The following MYL3 variants were observed in gnomAD, a reference collection of about 807,000 sequenced individuals.
MYL3 encodes myosin light chain 3.
MYL3 carries 11 observed loss-of-function variants against 21.3 expected under a neutral mutation model. The observed-to-expected ratio is 0.52, with a 90% CI of 0.32 to 0.85. MYL3 has a LOEUF of 0.85. MYL3 is among the 40% of genes least tolerant of loss of function. MYL3 has a pLI of 0.03. For synonymous variants in MYL3, 88 were observed against 91.6 expected (o/e 0.96, Z 0.22); for missense variants, 206 against 253.3 (o/e 0.81, Z 1.27).
upstream of MYL3, among the ~76,000 whole-genome samples, chr3:46,868,392 A>G: frequency 6.6e-6 from 1 of 152,184 alleles, no homozygotes; most frequent in East Asian, 1.9e-4. Flanking sequence ...GTCCTCGAGC[A>G]GGCCAAACAC....
At chr3:46,869,745 T>C (rs1702089046) in intron 1 of MYL3, among the ~76,000 whole-genome samples, 1 of 152,198 alleles carries the variant, frequency 6.6e-6, no homozygotes, top group African/African-American at 2.4e-5. Context: ...TGTTCATCTG[T>C]TGGCATGGGT....
intron 1 of MYL3, among the ~76,000 whole-genome samples, chr3:46,875,356 G>A (rs2030153790): frequency 6.6e-6 from 1 of 152,214 alleles, no homozygotes; most frequent in African/African-American, 2.4e-5. Context: ...CCCTACTCCA[G>A]TGGGATGCAA....
At chr3:46,858,333 C>G (rs1212805236) in intron 5 of MYL3, 51 bp downstream of exon 5, 1 of 1,613,892 alleles carries the variant, frequency 6.2e-7, no homozygotes, top group Non-Finnish European at 8.5e-7. Context: ...GGCTGGGAGC[C>G]TGGGTCCCAG....
chr3:46,857,970 A>T lies in MYL3; in HGVS notation c.*145T>A. ...AGCCTGAGAGGGGCCAGAGACGGCA[A>T]CCACGTGGAGAGGTCCAAGGGTTTT... On this transcript the variant is annotated 3_prime_UTR_variant, in exon 7 of 7. Transcript: ENST00000292327. This position sits in a 1 kb window ranked among gnomAD's most constrained non-coding sequence, Gnocchi z 5.0. 1 of 548,922 alleles carries T rather than the reference A, an allele frequency of 1.8e-6. No individual in the cohort carries two copies. The highest frequency in any genetic ancestry group is 3.3e-6 in the Non-Finnish European group (1 of 303,758). The allele number at this position is 548,922 out of a possible 1,614,324, so 34.0% of individuals were successfully genotyped here. A position where few individuals can be genotyped will look rare whatever the true frequency, so the allele number is the denominator to read the frequency against.
chr3:46,863,300 G>T lies in MYL3; in HGVS notation c.91C>A (p.Arg31Ser), dbSNP rs377026344. ...PAPAPPPEPE[R>S]PKEVEFDASK... ...GCATCAAACTCGACCTCCTTAGGGC[G>T]CTCAGGCTCAGGGGGAGGTGCGGGA... Residue 31 changes from arginine to serine, a missense_variant, in exon 1 of 7, where the codon CGC (arginine) becomes AGC (serine). By Grantham distance (110) the Arg-to-Ser change is moderately radical. Coordinates refer to ENST00000292327, the MANE Select transcript of MYL3 (RefSeq NM_000258.3). 2.5e-6 allele frequency: 4 copies of T among 1,614,094 alleles called. No homozygotes were observed. Among genetic ancestry groups the T allele is most frequent in the Non-Finnish European group, 1.7e-6 (2 of 1,180,028 alleles).
chr3:46,877,198 G>A (rs1044274693), intron 1 of MYL3, among the ~76,000 whole-genome samples: 4 of 152,058 alleles, frequency 2.6e-5, no homozygotes, highest in Non-Finnish European at 5.9e-5. Flanking sequence ...TGGAATGACG[G>A]CCCCCTCCAT....
rs77221239 is a variant in MYL3, at chr3:46,861,309, G to C, written c.130-322C>G. On this transcript the variant is annotated intron_variant, in intron 1 of 6. Transcript: ENST00000292327. This position sits in a 1 kb window ranked among gnomAD's most constrained non-coding sequence, Gnocchi z 4.2. ...AGCGTGGGCCTTACCTGATGCTCCCGGTTCTGGACAGATGTACCTTAAGCC... is the reference window on the plus strand; with the variant it reads ...AGCGTGGGCCTTACCTGATGCTCCCCGTTCTGGACAGATGTACCTTAAGCC... 6.6e-6 allele frequency among the ~76,000 whole-genome samples: 1 copy of C among 152,180 alleles called. No homozygotes were observed. Among genetic ancestry groups the C allele is most frequent in the Non-Finnish European group, 1.5e-5 (1 of 68,036 alleles).
rs1055139411 is a variant in MYL3, at chr3:46,858,479, C to T, written c.482-18G>A. 13 of 1,610,954 alleles carry T rather than the reference C, an allele frequency of 8.1e-6. No homozygotes were observed. The highest frequency in any genetic ancestry group is 1.1e-5 in the Non-Finnish European group (13 of 1,179,918). On this transcript the variant is annotated intron_variant, in intron 4 of 6. Transcript: ENST00000292327. ...CCTCTCACCTGGCAGGAGTGGGAGGCTGAGTCAGCACCGTGCGTGCAGAGG... is the reference window on the plus strand; with the variant it reads ...CCTCTCACCTGGCAGGAGTGGGAGGTTGAGTCAGCACCGTGCGTGCAGAGG...
upstream of MYL3, among the ~76,000 whole-genome samples, chr3:46,865,832 G>A (rs1702043362): frequency 6.6e-6 from 1 of 152,140 alleles, no homozygotes; most frequent in Non-Finnish European, 1.5e-5. This position sits in a 1 kb window ranked among gnomAD's most constrained non-coding sequence, Gnocchi z 4.3. Context: ...CCTGCAGCAG[G>A]GACAGGGTGC....
At chr3:46,871,972 G>T (rs916788194) in intron 1 of MYL3, among the ~76,000 whole-genome samples, 1 of 152,196 alleles carries the variant, frequency 6.6e-6, no homozygotes, top group African/African-American at 2.4e-5. Context: ...TGGGGAGAGA[G>T]AACTCAGTTC....
upstream of MYL3, among the ~76,000 whole-genome samples, chr3:46,867,161 A>C (rs1444511898): frequency 6.6e-6 from 1 of 151,558 alleles, no homozygotes; most frequent in Non-Finnish European, 1.5e-5. Context: ...AGACTCCAAG[A>C]CCCAGGATGG....
In MYL3 at chr3:46,861,034, G is replaced by C. The variant is rs759706176; in HGVS notation, c.130-47C>G. ...TCAGATGCCCGGCTTAAAAGGTGGGGCCACACCTCCTCCTGGGCACTCGGT... is the reference window on the plus strand; with the variant it reads ...TCAGATGCCCGGCTTAAAAGGTGGGCCCACACCTCCTCCTGGGCACTCGGT... On this transcript the variant is annotated intron_variant, in intron 1 of 6. Coordinates refer to ENST00000292327, the MANE Select transcript of MYL3 (RefSeq NM_000258.3). The surrounding 1 kb of genome is among the most constrained non-coding windows in gnomAD (Gnocchi z 4.2). 2 of 1,610,044 alleles carry C rather than the reference G, an allele frequency of 1.2e-6. No homozygotes were observed. Among genetic ancestry groups the C allele is most frequent in the Non-Finnish European group, 1.7e-6 (2 of 1,176,640 alleles).
At chr3:46,871,090 A>G (rs1417147873) in intron 1 of MYL3, among the ~76,000 whole-genome samples, 1 of 151,996 alleles carries the variant, frequency 6.6e-6, no homozygotes, top group Non-Finnish European at 1.5e-5. Flanking sequence ...ACATCCATGC[A>G]CTCTCCCACA....
At position 46,861,790 on chromosome 3, in the gene MYL3, G is replaced by T. The variant is rs146075711; in HGVS notation, c.130-803C>A. Among the ~76,000 whole-genome samples the T allele has an allele frequency of 6.6e-6, 1 of 152,166 alleles. No homozygotes were observed. Among genetic ancestry groups the T allele is most frequent in the Non-Finnish European group, 1.5e-5 (1 of 68,028 alleles). ...TATCACTGCAGTCACTCGCCCCAAG[G>T]TCAAGGTCACACAAGGGAAAGGAGG... On this transcript the variant is annotated intron_variant, in intron 1 of 6. Coordinates refer to ENST00000292327, the MANE Select transcript of MYL3 (RefSeq NM_000258.3). This position sits in a 1 kb window ranked among gnomAD's most constrained non-coding sequence, Gnocchi z 4.2.
intron 1 of MYL3, 97 bp downstream of exon 1, chr3:46,863,165 G>T (rs1308285726): frequency 1.3e-6 from 2 of 1,563,536 alleles, no homozygotes; most frequent in East Asian, 4.5e-5. Flanking sequence ...TCAGCTCAGT[G>T]CTCACCTCCA....
intron 1 of MYL3, among the ~76,000 whole-genome samples, chr3:46,862,843 C>G (rs958665529): frequency 6.6e-5 from 10 of 152,348 alleles, no homozygotes; most frequent in African/African-American, 2.2e-4. Context: ...TTCTTACTCC[C>G]TATCTCATCC....
At chr3:46,871,000 C>T (rs1435654534) in intron 1 of MYL3, among the ~76,000 whole-genome samples, 1 of 152,216 alleles carries the variant, frequency 6.6e-6, no homozygotes, top group Non-Finnish European at 1.5e-5. Context: ...GTTCACGCGC[C>T]TGTGCACACA....
At chr3:46,867,885 C>T (rs776306476), upstream of MYL3, among the ~76,000 whole-genome samples, 7 of 152,350 alleles carry the variant, frequency 4.6e-5, no homozygotes, top group African/African-American at 7.2e-5. Flanking sequence ...GTGAACCCAC[C>T]GCTACACACT....
Position 46,859,402 on chromosome 3 carries a change from TG to T in MYL3, c.481+72del. 1.3e-6 allele frequency: 2 copies of T among 1,594,670 alleles called. No homozygotes were observed. The highest frequency in any genetic ancestry group is 8.6e-7 in the Non-Finnish European group (1 of 1,164,460). On this transcript the variant is annotated intron_variant, in intron 4 of 6. Transcript: ENST00000292327. The surrounding 1 kb of genome is among the most constrained non-coding windows in gnomAD (Gnocchi z 4.1). ...CCATTTCACCAATGGGTCACAGGCC[TG>T]GGGGGCAACAGAGTGGTTTCTCCCA...
Sources: gnomAD v4.1 joint callset for allele counts (sites outside exome capture counted in the v4.1 genomes callset) on GRCh38, gnomAD v4.1.1 for gene constraint, Gnocchi (gnomAD v3.1) non-coding constraint, MANE v1.5 for transcripts, NCBI Gene and HGNC (gene_info 2026-07-23, HGNC 2026-07-21) for gene names.